The following ZNF681 variants were observed in gnomAD, a reference collection of about 807,000 sequenced individuals.
ZNF681 encodes hypothetical protein FLJ31526.
A neutral mutation model predicts 56.0 loss-of-function variants in ZNF681; 37 were observed. The observed-to-expected ratio is 0.66, with a 90% CI of 0.51 to 0.87. ZNF681 has a LOEUF of 0.87. Ranked by LOEUF, ZNF681 falls within the 40% of genes least tolerant of loss-of-function variation. The probability of loss-of-function intolerance (pLI) is 0.00; values close to 1 mark genes in which losing one functional copy is unlikely to be tolerated. For synonymous variants in ZNF681, 225 were observed against 248.6 expected (o/e 0.91, Z 0.89); for missense variants, 741 against 744.9 (o/e 0.99, Z 0.06).
At chr19:23,748,072 CATGACG>C in intron 3 of ZNF681, among the ~76,000 whole-genome samples, 1 of 152,020 alleles carries the variant, frequency 6.6e-6, no homozygotes, top group East Asian at 1.9e-4. Flanking sequence ...AGAGAAATGA[CATGACG>C]TTGTTCTTGG....
In ZNF681 at chr19:23,745,148, C is replaced by T; in HGVS notation, c.402G>A (p.Leu134=). The T allele has an allele frequency of 6.2e-7, 1 of 1,611,910 alleles. No individual in the cohort carries two copies. Among genetic ancestry groups the T allele is most frequent in the East Asian group, 2.2e-5 (1 of 44,800 alleles). Residue 134 remains leucine (L), a synonymous_variant, in exon 4 of 4, where the codon TTG becomes TTA. Coordinates refer to ENST00000402377, the MANE Select transcript of ZNF681 (RefSeq NM_138286.3). ...KGGYNGLNQC[L]PTTQSKIFQC... is the part of the protein sequence containing the mutation. ...GAAATATTTTGCTCTGGGTAGTTGG[C>T]AAACATTGGTTAAGTCCATTATAAC...
chr19:23,745,369 AAATATAC>A (rs1968930231), intron 3 of ZNF681, 46 bp from the exon 4 acceptor site: 2 of 1,414,220 alleles, frequency 1.4e-6, no homozygotes, highest in Non-Finnish European at 1.9e-6. Context: ...ATAAGACTCT[AAATATAC>A]TTTACAAATC....
At chr19:23,751,505 T>C (rs1361264718) in intron 3 of ZNF681, among the ~76,000 whole-genome samples, 1 of 146,984 alleles carries the variant, frequency 6.8e-6, no homozygotes, top group Non-Finnish European at 1.5e-5. Flanking sequence ...ACAAAAAAAA[T>C]TCTATTCTCT....
At position 23,744,831 on chromosome 19, in the gene ZNF681, T is replaced by C. The variant is rs1472114638; in HGVS notation, c.719A>G (p.Asn240Ser). 6.2e-7 allele frequency: 1 copy of C among 1,613,474 alleles called. No homozygotes were observed. Among genetic ancestry groups the C allele is most frequent in the Non-Finnish European group, 8.5e-7 (1 of 1,179,832 alleles). The part of the protein sequence containing the change: ...ECGKACNQFT[N>S]LTTHKIIYTR... ...ATAAATTATCTTATGTGTAGTAAGG[T>C]TTGTGAACTGGTTACAGGCTTTGCC... is the stretch of plus-strand genomic sequence containing the variant. Residue 240 changes from asparagine to serine, a missense_variant, in exon 4 of 4, where the codon AAC becomes AGC. Asn to Ser is a conservative substitution (Grantham distance 46). Transcript: ENST00000402377.
chr19:23,739,312 C>A lies in ZNF681; in HGVS notation c.*4300G>T, dbSNP rs1054895189. 6.6e-6 allele frequency: 1 copy of A among 151,936 alleles called. No homozygotes were observed. The highest frequency in any genetic ancestry group is 1.5e-5 in the Non-Finnish European group (1 of 67,992). 9.4% of individuals were successfully genotyped at this position (151,936 alleles called of 1,614,324 possible). A position where few individuals can be genotyped will look rare whatever the true frequency, so the allele number is the denominator to read the frequency against. ...GAAGTGGAGAATAAAATGGTGACCA[C>A]CAGATGCCAACATATTTGGAAAAAA... On this transcript the variant is annotated 3_prime_UTR_variant, in exon 4 of 4. Coordinates refer to ENST00000402377, the MANE Select transcript of ZNF681 (RefSeq NM_138286.3).
chr19:23,749,607 TAA>T (rs75741075), intron 3 of ZNF681, among the ~76,000 whole-genome samples: 195 of 137,256 alleles, frequency 1.4e-3, no homozygotes, highest in Middle Eastern at 3.6e-3. Flanking sequence ...ATGCCTGGGT[TAA>T]AAAAAAAAAA....
intron 3 of ZNF681, among the ~76,000 whole-genome samples, chr19:23,753,884 T>G (rs535048564): frequency 7.1e-6 from 1 of 141,330 alleles, no homozygotes; most frequent in Non-Finnish European, 1.5e-5. Flanking sequence ...AAAAGTGCCA[T>G]GTTATTCAAA....
rs942587749 is a variant in ZNF681 at position 23,740,278 on chromosome 19, A to G, written c.*3334T>C. 3 of 152,184 alleles carry G rather than the reference A, an allele frequency of 2.0e-5. No homozygotes were observed. The highest frequency in any genetic ancestry group is 7.2e-5 in the African/African-American group (3 of 41,454). The allele number at this position is 152,184 out of a possible 1,614,324, so 9.4% of individuals were successfully genotyped here. On this transcript the variant is annotated 3_prime_UTR_variant, in exon 4 of 4. Coordinates refer to ENST00000402377, the MANE Select transcript of ZNF681 (RefSeq NM_138286.3). The stretch of plus-strand genomic sequence containing the variant: ...CAAAACCTACAATATACCATGTGAA[A>G]TGACATGGTGTGAAGAGAACAGTGA...
chr19:23,757,939 A>G (rs997719367), intron 1 of ZNF681, among the ~76,000 whole-genome samples: 1 of 152,226 alleles, frequency 6.6e-6, no homozygotes, highest in Admixed American at 6.5e-5. Flanking sequence ...TATACTAATA[A>G]GCAATTTGAA....
intron 1 of ZNF681, among the ~76,000 whole-genome samples, 159 bp downstream of exon 1, chr19:23,758,588 G>A (rs1353193196): frequency 6.6e-6 from 1 of 152,214 alleles, no homozygotes; most frequent in Non-Finnish European, 1.5e-5. Context: ...CGCCCGGGGG[G>A]CTGGCTGTCA....
At chr19:23,757,870 A>G (rs537666949) in intron 1 of ZNF681, among the ~76,000 whole-genome samples, 1 of 152,200 alleles carries the variant, frequency 6.6e-6, no homozygotes, top group Admixed American at 6.5e-5. Context: ...AAATCCTTAA[A>G]TCTCAGAGTT....
Position 23,745,324 on chromosome 19 carries a change from CT to C in ZNF681, c.227-2del. On this transcript the variant is annotated splice_acceptor_variant, in intron 3 of 3. Transcript: ENST00000402377. LOFTEE classifies it high-confidence loss of function. Reference sequence around the variant, plus strand: ...TCTTGGGCAAAATGAGAACAAATAACTGAAAGAAATAAAAATAACAAATGAC... The same window carrying C: ...TCTTGGGCAAAATGAGAACAAATAACGAAAGAAATAAAAATAACAAATGAC... The C allele has an allele frequency of 6.6e-7, 1 of 1,525,104 alleles. No individual in the cohort carries two copies. The highest frequency in any genetic ancestry group is 8.8e-7 in the Non-Finnish European group (1 of 1,142,254). The allele number at this position is 1,525,104 out of a possible 1,614,324, so 94.5% of individuals were successfully genotyped here.
intron 3 of ZNF681, among the ~76,000 whole-genome samples, chr19:23,745,719 G>A (rs539526471): frequency 3.7e-4 from 56 of 150,430 alleles, no homozygotes; most frequent in Non-Finnish European, 7.4e-4. Context: ...CCAAAATGCT[G>A]GGATTACAGG....
In ZNF681 at chr19:23,744,778, C is replaced by T. The variant is rs781524622; in HGVS notation, c.772G>A (p.Glu258Lys). 10 of 1,612,988 alleles carry T rather than the reference C, an allele frequency of 6.2e-6. No homozygotes were observed. Among genetic ancestry groups the T allele is most frequent in the Non-Finnish European group, 8.5e-6 (10 of 1,179,470 alleles). ...GACAGGTTAAAGGCTTTGCTACATT[C>T]TTCACGTTTGTAGAGTTTGTCTCTA... ...YTRDKLYKRE[E>K]CSKAFNLSSH... Residue 258 changes from glutamate to lysine, a missense_variant, in exon 4 of 4, where the codon GAA (glutamate) becomes AAA (lysine). Physicochemically the swap from Glu to Lys is moderately conservative, Grantham distance 56. Transcript: ENST00000402377.
chr19:23,751,991 G>T (rs1201958507), intron 3 of ZNF681, among the ~76,000 whole-genome samples: 3 of 152,122 alleles, frequency 2.0e-5, no homozygotes, highest in African/African-American at 4.8e-5. Context: ...CCGGCCTGAG[G>T]TTGGAAAATT....
Position 23,754,863 on chromosome 19 carries a change from A to G in ZNF681, c.186T>C (p.Pro62=), listed in dbSNP as rs1371273553. 1 of 1,614,088 alleles carries G rather than the reference A, an allele frequency of 6.2e-7. No individual in the cohort carries two copies. The highest frequency in any genetic ancestry group is 1.1e-5 in the South Asian group (1 of 91,082). ...CCATCCTATGTCTCTTTCTAGTCCA[A>G]GGCTCTTTTTCTTGTTCCAGACAGG... ...LITCLEQEKE[P]WTRKRHRMVA... is the part of the protein sequence containing the mutation. The change falls in exon 3 of 4, where the codon CCT becomes CCC. Residue 62 remains proline (P), a synonymous_variant. Transcript: ENST00000402377.
rs1329842418 is a variant in ZNF681 at position 23,743,618 on chromosome 19, T to C, written c.1932A>G (p.Lys644=). Residue 644 remains lysine (K), a synonymous_variant, in exon 4 of 4, where the codon AAA becomes AAG. Transcript: ENST00000402377. Reference sequence around the variant, plus strand: ...TGTTACATTCTTCACATTTCTAAGATTTCTCACCAGCATAATTTCTTTTAT... The same window carrying C: ...TGTTACATTCTTCACATTTCTAAGACTTCTCACCAGCATAATTTCTTTTAT... ...SKHKRNYAGE[K]S 6.7e-7 allele frequency: 1 copy of C among 1,489,042 alleles called. No individual in the cohort carries two copies. The highest frequency in any genetic ancestry group is 2.5e-5 in the Admixed American group (1 of 39,296). The allele number at this position is 1,489,042 out of a possible 1,614,324, so 92.2% of individuals were successfully genotyped here. A position where few individuals can be genotyped will look rare whatever the true frequency, so the allele number is the denominator to read the frequency against.
At chr19:23,757,680 C>T (rs547717018) in intron 1 of ZNF681, among the ~76,000 whole-genome samples, 8 of 152,156 alleles carry the variant, frequency 5.3e-5, no homozygotes, top group African/African-American at 1.7e-4. Flanking sequence ...GCCAAAACTC[C>T]GATCTCCAAA....
chr19:23,758,615 A>G, intron 1 of ZNF681, 132 bp downstream of exon 1: 1 of 1,357,324 alleles, frequency 7.4e-7, no homozygotes, highest in South Asian at 1.2e-5. Flanking sequence ...CCGCCATCTT[A>G]TGGTCCAAGT....
Sources: gnomAD v4.1 joint callset for allele counts (sites outside exome capture counted in the v4.1 genomes callset) on GRCh38, gnomAD v4.1.1 for gene constraint, MANE v1.5 for transcripts, NCBI Gene and HGNC (gene_info 2026-07-23, HGNC 2026-07-21) for gene names.